The following PPP4R4 variants were observed in gnomAD, a reference collection of about 807,000 sequenced individuals.
PPP4R4 encodes the protein protein phosphatase 4 regulatory subunit 4.
A neutral mutation model predicts 121.8 loss-of-function variants in PPP4R4; 70 were observed. That is an observed-to-expected ratio of 0.57 (90% CI 0.47 to 0.70). PPP4R4 has a LOEUF of 0.70. Ranked by LOEUF, PPP4R4 falls within the 30% of genes least tolerant of loss-of-function variation. The probability of loss-of-function intolerance (pLI) is 0.00; values close to 1 mark genes in which losing one functional copy is unlikely to be tolerated. For missense variants in PPP4R4, 875 were observed against 1,033.6 expected (o/e 0.85, Z 2.10); for synonymous variants, 348 against 355.7 (o/e 0.98, Z 0.24).
chr14:94,245,627 A>T lies in PPP4R4; in HGVS notation c.1385A>T (p.Glu462Val). 6.2e-7 allele frequency: 1 copy of T among 1,600,190 alleles called. No homozygotes were observed. The highest frequency in any genetic ancestry group is 8.6e-7 in the Non-Finnish European group (1 of 1,169,400). Residue 462 changes from glutamate (E) to valine (V), a missense_variant, in exon 13 of 25, where the codon GAA becomes GTA. Glu to Val is a moderately radical substitution (Grantham distance 121). Transcript: ENST00000304338. ...ALIDHLPEIL[E>V]LMSTGGESSV... ...ATAGATCATCTTCCAGAAATCTTGGAACTTATGTCTACTGGTGGAGAAAGC... is the reference window on the plus strand; with the variant it reads ...ATAGATCATCTTCCAGAAATCTTGGTACTTATGTCTACTGGTGGAGAAAGC...
chr14:94,231,198 G>A (rs368006886), intron 4 of PPP4R4, 44 bp from the exon 5 acceptor site: 41 of 1,479,160 alleles, frequency 2.8e-5, no homozygotes, highest in Non-Finnish European at 3.8e-5. Context: ...AACTGAATTT[G>A]AAGTGAGACG....
intron 2 of PPP4R4, among the ~76,000 whole-genome samples, chr14:94,177,031 C>T (rs979347710): frequency 3.3e-5 from 5 of 151,926 alleles, no homozygotes; most frequent in African/African-American, 1.2e-4. Flanking sequence ...TTCTTGTTTA[C>T]AGATCATGTT....
intron 2 of PPP4R4, among the ~76,000 whole-genome samples, chr14:94,192,542 G>A (rs1219067717): frequency 6.6e-6 from 1 of 152,148 alleles, no homozygotes; most frequent in Non-Finnish European, 1.5e-5. Flanking sequence ...AAGGCTTTGT[G>A]GCATCTGCTT....
intron 14 of PPP4R4, 62 bp downstream of exon 14, chr14:94,246,601 A>C: frequency 6.8e-7 from 1 of 1,461,126 alleles, no homozygotes; most frequent in Non-Finnish European, 9.3e-7. Flanking sequence ...AATTACCAAA[A>C]CTCTTCATAT....
In PPP4R4 at chr14:94,258,678, C is replaced by G. The variant is rs535007371; in HGVS notation, c.2011-105C>G. Reference sequence around the variant, plus strand: ...TTCTGACTTAGTCTTCCCCCTAGTGCAGAAGTCTTCTATTTGAACCTCCAT... The same window carrying G: ...TTCTGACTTAGTCTTCCCCCTAGTGGAGAAGTCTTCTATTTGAACCTCCAT... On this transcript the variant is annotated intron_variant, in intron 17 of 24. Coordinates refer to ENST00000304338, the MANE Select transcript of PPP4R4 (RefSeq NM_058237.2). The G allele has an allele frequency of 1.4e-4, 107 of 768,640 alleles. No individual in the cohort carries two copies. The South Asian group carries it at 1.5e-3, about 10-fold the overall frequency. 47.6% of individuals were successfully genotyped at this position (768,640 alleles called of 1,614,324 possible). A position where few individuals can be genotyped will look rare whatever the true frequency, so the allele number is the denominator to read the frequency against.
intron 3 of PPP4R4, among the ~76,000 whole-genome samples, chr14:94,216,070 A>G (rs1041874944): frequency 2.0e-5 from 3 of 152,236 alleles, no homozygotes; most frequent in Non-Finnish European, 4.4e-5. Flanking sequence ...ATCTGCAATA[A>G]AAACGAACAG....
At chr14:94,226,256 T>A (rs1891692468) in intron 3 of PPP4R4, among the ~76,000 whole-genome samples, 1 of 152,204 alleles carries the variant, frequency 6.6e-6, no homozygotes, top group Non-Finnish European at 1.5e-5. Flanking sequence ...TTATTGTATA[T>A]TTACAATAGT....
chr14:94,254,420 T>A (rs1566693172), intron 16 of PPP4R4, among the ~76,000 whole-genome samples: 1 of 152,330 alleles, frequency 6.6e-6, no homozygotes, highest in East Asian at 1.9e-4. Context: ...GGATTGATAC[T>A]CCTTAATTAG....
At position 94,212,888 on chromosome 14, in the gene PPP4R4, A is replaced by G. The variant is rs561262989; in HGVS notation, c.294+4322A>G. ...TCCATTACAATCCAATGCAAAAAAC[A>G]CTCTCTACTTATCGAGGTATTAAAT... On this transcript the variant is annotated intron_variant, in intron 3 of 24. Coordinates refer to ENST00000304338, the MANE Select transcript of PPP4R4 (RefSeq NM_058237.2). Among the ~76,000 whole-genome samples, 5 of 152,210 alleles carry G rather than the reference A, an allele frequency of 3.3e-5. No individual in the cohort carries two copies. The East Asian group carries it at 9.6e-4, about 29-fold the overall frequency.
At chr14:94,220,544 G>T (rs577341817) in intron 3 of PPP4R4, among the ~76,000 whole-genome samples, 4 of 152,192 alleles carry the variant, frequency 2.6e-5, no homozygotes, top group East Asian at 3.9e-4. Context: ...GTATAGAAAG[G>T]TTATGGGATA....
intron 9 of PPP4R4, among the ~76,000 whole-genome samples, chr14:94,241,140 ATAATT>A (rs1892612699): frequency 6.6e-6 from 1 of 152,136 alleles, no homozygotes; most frequent in African/African-American, 2.4e-5. Flanking sequence ...CATTTATTGA[ATAATT>A]TATTATATCA....
chr14:94,200,315 G>A (rs1890106844), intron 2 of PPP4R4, among the ~76,000 whole-genome samples: 1 of 152,062 alleles, frequency 6.6e-6, no homozygotes, highest in Admixed American at 6.5e-5. Flanking sequence ...CTTCTAATCT[G>A]TAAGTCCTTT....
chr14:94,201,184 G>C (rs1237838580), intron 2 of PPP4R4, among the ~76,000 whole-genome samples: 1 of 152,150 alleles, frequency 6.6e-6, no homozygotes, highest in Non-Finnish European at 1.5e-5. Context: ...TGTGGTCTCA[G>C]AGAGTACTTA....
chr14:94,271,490 G>A (rs1205989175), intron 23 of PPP4R4, among the ~76,000 whole-genome samples: 1 of 152,104 alleles, frequency 6.6e-6, no homozygotes, highest in African/African-American at 2.4e-5. Context: ...CCATCAGTAA[G>A]CTAGGAATAG....
Position 94,275,501 on chromosome 14 carries a change from A to G in PPP4R4, c.2577A>G (p.Thr859=), listed in dbSNP as rs751158143. ...VDPKSSGSKD[T]QPRKATLKSR... ...CCAAGAGCAGTGGAAGTAAAGATACACAACCACGGAAGGCTACCTTGTAAG... is the reference window on the plus strand; with the variant it reads ...CCAAGAGCAGTGGAAGTAAAGATACGCAACCACGGAAGGCTACCTTGTAAG... The change falls in exon 24 of 25, where the codon ACA becomes ACG. Residue 859 remains threonine, a synonymous_variant. Transcript: ENST00000304338. The G allele has an allele frequency of 6.9e-5, 112 of 1,613,960 alleles. No individual in the cohort carries two copies. Among genetic ancestry groups the G allele is most frequent in the Non-Finnish European group, 9.2e-5 (108 of 1,179,976 alleles).
At chr14:94,195,167 C>A (rs964214753) in intron 2 of PPP4R4, among the ~76,000 whole-genome samples, 5 of 152,152 alleles carry the variant, frequency 3.3e-5, no homozygotes, top group Admixed American at 2.6e-4. Flanking sequence ...ATTCTGCAGT[C>A]TCCTTTTCCT....
intron 23 of PPP4R4, among the ~76,000 whole-genome samples, chr14:94,272,904 CAT>C (rs1212393018): frequency 6.6e-6 from 1 of 152,172 alleles, no homozygotes; most frequent in East Asian, 1.9e-4. Context: ...AGATGTTCCT[CAT>C]ATGTCATCAG....
At chr14:94,240,875 T>C in intron 9 of PPP4R4, 80 bp downstream of exon 9, 1 of 1,388,952 alleles carries the variant, frequency 7.2e-7, no homozygotes, top group South Asian at 1.8e-5. Context: ...ACTTTGGCTC[T>C]TCAGTTAATT....
intron 8 of PPP4R4, among the ~76,000 whole-genome samples, chr14:94,238,616 G>A (rs908289760): frequency 1.3e-5 from 2 of 152,226 alleles, no homozygotes; most frequent in East Asian, 1.9e-4. Context: ...TCTACTGAAT[G>A]TATGGCTAGA....
Sources: allele counts gnomAD v4.1 joint callset (sites outside exome capture counted in the v4.1 genomes callset), GRCh38; gene constraint gnomAD v4.1.1; transcripts MANE v1.5; gene names NCBI Gene and HGNC (gene_info 2026-07-23, HGNC 2026-07-21).